Variants in C2orf42 observed in about 807,000 individuals in gnomAD.
C2orf42 encodes chromosome 2 open reading frame 42, also known as uncharacterized protein C2orf42.
A neutral mutation model predicts 58.9 loss-of-function variants in C2orf42; 44 were observed. The ratio of observed to expected loss-of-function variants is 0.75; its 90% CI spans 0.59 to 0.96. The LOEUF (loss-of-function observed/expected upper bound fraction) is 0.96, where lower values mean the gene tolerates loss of function less well. Ranked by LOEUF, C2orf42 falls within the 40% of genes least tolerant of loss-of-function variation. C2orf42 has a pLI of 0.00. For missense variants in C2orf42, 630 were observed against 699.2 expected (o/e 0.90, Z 1.12); for synonymous variants, 239 against 265.4 (o/e 0.90, Z 0.97).
chr2:70,179,706 T>C, intron 3 of C2orf42, 64 bp from the exon 4 acceptor site: 1 of 599,344 alleles, frequency 1.7e-6, no homozygotes. Flanking sequence ...TATAGGCCTC[T>C]ATGTAGCGAA....
intron 9 of C2orf42, among the ~76,000 whole-genome samples, chr2:70,160,289 G>A (rs12151607): frequency 0.034 from 5,171 of 151,960 alleles, 105 homozygotes; most frequent in Middle Eastern, 0.054. Flanking sequence ...ACAGGCATGC[G>A]CCACTATGCC....
At chr2:70,156,142 T>A (rs2104837539) in intron 9 of C2orf42, among the ~76,000 whole-genome samples, 2 of 149,432 alleles carry the variant, frequency 1.3e-5, no homozygotes, top group Admixed American at 1.3e-4. Flanking sequence ...GCAATAAGAG[T>A]GAAACTCCGT....
intron 5 of C2orf42, among the ~76,000 whole-genome samples, chr2:70,171,833 A>G (rs1673840530): frequency 6.6e-6 from 1 of 151,986 alleles, no homozygotes; most frequent in Non-Finnish European, 1.5e-5. Context: ...AATATAAGTG[A>G]AAGAGTGAAA....
intron 9 of C2orf42, among the ~76,000 whole-genome samples, chr2:70,150,988 C>T (rs757903222): frequency 7.2e-5 from 11 of 152,182 alleles, no homozygotes; most frequent in Non-Finnish European, 1.3e-4. Flanking sequence ...TTGTGATCCG[C>T]CCACCTCAGA....
At chr2:70,174,682 T>G (rs755393688) in intron 5 of C2orf42, among the ~76,000 whole-genome samples, 6 of 150,098 alleles carry the variant, frequency 4.0e-5, no homozygotes, top group Non-Finnish European at 7.4e-5. Flanking sequence ...TCTTTCTTTT[T>G]TTTTTGAGAC....
At chr2:70,172,039 A>G (rs1313553743) in intron 5 of C2orf42, among the ~76,000 whole-genome samples, 1 of 151,296 alleles carries the variant, frequency 6.6e-6, no homozygotes, top group Admixed American at 6.6e-5. Flanking sequence ...CCTGGCCAAC[A>G]TGGTGAAACC....
chr2:70,167,601 A>T (rs1673487318), intron 6 of C2orf42, among the ~76,000 whole-genome samples: 1 of 151,536 alleles, frequency 6.6e-6, no homozygotes, highest in Non-Finnish European at 1.5e-5. Flanking sequence ...ATTAGCCAGG[A>T]GTGGTGACAC....
rs148177382 is a variant in C2orf42 at position 70,181,203 on chromosome 2, C to A, written c.783G>T (p.Leu261=). 5 of 1,586,200 alleles carry A rather than the reference C, an allele frequency of 3.2e-6. No homozygotes were observed. In the African/African-American group the frequency reaches 6.8e-5, roughly 21 times the overall value. The change falls in exon 3 of 10, where the codon CTG becomes CTT. Residue 261 remains leucine, a synonymous_variant. Coordinates refer to ENST00000264434, the MANE Select transcript of C2orf42 (RefSeq NM_017880.3). ...CICAFASDET[L]AQEFSDFLNF... ...TTAGGAAGTCTGAGAATTCCTGAGC[C>A]AGTGTCTCATCACTGGCAAAGGCAC... is the stretch of plus-strand genomic sequence containing the variant.
chr2:70,177,003 G>A (rs982401384), intron 4 of C2orf42, among the ~76,000 whole-genome samples: 3 of 152,092 alleles, frequency 2.0e-5, no homozygotes, highest in Non-Finnish European at 2.9e-5. Context: ...CGGGCATGGT[G>A]GCTCACACCT....
At chr2:70,172,298 T>C (rs1161336984) in intron 5 of C2orf42, among the ~76,000 whole-genome samples, 1 of 151,754 alleles carries the variant, frequency 6.6e-6, no homozygotes, top group African/African-American at 2.4e-5. Flanking sequence ...ATATCTCAAG[T>C]TCCTCTCTTC....
In C2orf42 at chr2:70,160,792, A is replaced by C; in HGVS notation, c.1354-5T>G. 3 of 1,568,858 alleles carry C rather than the reference A, an allele frequency of 1.9e-6. No homozygotes were observed. Among genetic ancestry groups the C allele is most frequent in the Non-Finnish European group, 2.6e-6 (3 of 1,163,038 alleles). On this transcript the variant is annotated splice_region_variant and splice_polypyrimidine_tract_variant and intron_variant, in intron 8 of 9. Transcript: ENST00000264434. ...ACGGGTGATTTCCAAGGGCATCTGG[A>C]CACCAAGACAATACCAAAAAAAGGT...
intron 8 of C2orf42, 96 bp downstream of exon 8, chr2:70,164,996 T>C: frequency 1.8e-6 from 1 of 554,936 alleles, no homozygotes; most frequent in Non-Finnish European, 3.2e-6. Context: ...AACTCTGGTG[T>C]CTGTAACTCA....
chr2:70,181,523 C>A lies in C2orf42; in HGVS notation c.463G>T (p.Val155Phe), dbSNP rs1198241164. ...EATPLTLKSS[V>F]LNAMQASPET... is the part of the protein sequence containing the mutation. ...GGGGAGGCCTGCATTGCATTCAGGA[C>A]CGAGCTCTTCAGGGTCAGAGGGGTG... Residue 155 changes from valine to phenylalanine, a missense_variant, in exon 3 of 10, where the codon GTC becomes TTC. Transcript: ENST00000264434. 6.2e-7 allele frequency: 1 copy of A among 1,613,574 alleles called. No homozygotes were observed. Among genetic ancestry groups the A allele is most frequent in the Non-Finnish European group, 8.5e-7 (1 of 1,180,016 alleles).
chr2:70,163,866 A>G (rs1673221481), intron 8 of C2orf42, among the ~76,000 whole-genome samples: 1 of 151,924 alleles, frequency 6.6e-6, no homozygotes, highest in Non-Finnish European at 1.5e-5. Flanking sequence ...AAATAAAAAT[A>G]AAAACATAAA....
chr2:70,187,028 C>T (rs1381840128), intron 1 of C2orf42, among the ~76,000 whole-genome samples: 1 of 151,952 alleles, frequency 6.6e-6, no homozygotes, highest in Non-Finnish European at 1.5e-5. Flanking sequence ...GGGTGCAGCA[C>T]ACCAGCATGG....
intron 4 of C2orf42, among the ~76,000 whole-genome samples, chr2:70,177,998 C>T (rs1674303327): frequency 6.6e-6 from 1 of 152,116 alleles, no homozygotes; most frequent in African/African-American, 2.4e-5. Flanking sequence ...CATGATTGTG[C>T]CCCTGCACTC....
chr2:70,169,899 C>G (rs1673679283), intron 5 of C2orf42, among the ~76,000 whole-genome samples: 1 of 151,940 alleles, frequency 6.6e-6, no homozygotes, highest in Admixed American at 6.6e-5. Flanking sequence ...GCTGGGATTA[C>G]AGGCACCCGC....
intron 4 of C2orf42, among the ~76,000 whole-genome samples, chr2:70,176,241 C>T (rs557011312): frequency 2.6e-5 from 4 of 152,218 alleles, no homozygotes; most frequent in Middle Eastern, 3.4e-3. Context: ...AAAAATTATT[C>T]GTTCTGTAAT....
chr2:70,179,359 T>C (rs1333627576), intron 4 of C2orf42, among the ~76,000 whole-genome samples, 173 bp downstream of exon 4: 1 of 151,758 alleles, frequency 6.6e-6, no homozygotes, highest in African/African-American at 2.4e-5. Context: ...ACTTAAGGCC[T>C]GGAGTTCGAG....
Sources: gnomAD v4.1 joint callset for allele counts (sites outside exome capture counted in the v4.1 genomes callset) on GRCh38, gnomAD v4.1.1 for gene constraint, MANE v1.5 for transcripts, NCBI Gene and HGNC (gene_info 2026-07-23, HGNC 2026-07-21) for gene names.